The following PCDH15 variants were observed in gnomAD, a reference collection of about 807,000 sequenced individuals.
PCDH15 encodes protocadherin-15.
In PCDH15, 129 loss-of-function variants were observed where a neutral mutation model predicts 178.5. The ratio of observed to expected loss-of-function variants is 0.72; its 90% CI spans 0.63 to 0.84. The LOEUF is 0.84. Ranked by LOEUF, PCDH15 falls within the 40% of genes least tolerant of loss-of-function variation. The pLI, the probability that PCDH15 is intolerant of heterozygous loss-of-function variation, is 0.00. For missense variants in PCDH15, 2,230 were observed against 2,099.9 expected, an observed-to-expected ratio of 1.06 and a Z score of -1.21; for synonymous variants, 800 against 732.0, an observed-to-expected ratio of 1.09 and a Z score of -1.50.
intron 3 of PCDH15, among the ~76,000 whole-genome samples, chr10:54,500,707 G>A (rs1309555114): frequency 6.6e-6 from 1 of 152,024 alleles, no homozygotes; most frequent in African/African-American, 2.4e-5. Context: ...GTGCACGCCT[G>A]TAATTCCAGC....
At chr10:54,930,676 AATT>A (rs1426391391) in intron 2 of PCDH15, among the ~76,000 whole-genome samples, 1 of 152,116 alleles carries the variant, frequency 6.6e-6, no homozygotes, top group Non-Finnish European at 1.5e-5. Flanking sequence ...TAAACCTTGA[AATT>A]ATTATATTAT....
chr10:55,090,429 A>G (rs1463966183), intron 2 of PCDH15, among the ~76,000 whole-genome samples: 2 of 152,062 alleles, frequency 1.3e-5, no homozygotes, highest in Non-Finnish European at 2.9e-5. Flanking sequence ...GAAGAGGGCT[A>G]GGATCACACT....
chr10:54,117,405 C>T (rs533160569), intron 15 of PCDH15, among the ~76,000 whole-genome samples: 1 of 152,166 alleles, frequency 6.6e-6, no homozygotes, highest in South Asian at 2.1e-4. Flanking sequence ...GTGTCACAGC[C>T]CTGGTTTGGG....
intron 1 of PCDH15, among the ~76,000 whole-genome samples, chr10:54,797,919 T>C (rs1031653726): frequency 2.0e-5 from 3 of 152,010 alleles, no homozygotes; most frequent in African/African-American, 7.2e-5. Flanking sequence ...TACACCACAG[T>C]TGAAAATTGT....
At chr10:55,384,960 G>C (rs529194919) in intron 2 of PCDH15, among the ~76,000 whole-genome samples, 4 of 151,944 alleles carry the variant, frequency 2.6e-5, no homozygotes, top group African/African-American at 7.2e-5. Context: ...GGTATATCAC[G>C]AACATGTCAA....
intron 1 of PCDH15, among the ~76,000 whole-genome samples, chr10:54,758,789 T>C (rs1947497040): frequency 6.6e-6 from 1 of 152,220 alleles, no homozygotes; most frequent in South Asian, 2.1e-4. Flanking sequence ...TTAACATGTG[T>C]TATGTGTTTA....
At chr10:54,945,368 G>A (rs867509783) in intron 2 of PCDH15, among the ~76,000 whole-genome samples, 1 of 143,904 alleles carries the variant, frequency 6.9e-6, no homozygotes, top group South Asian at 2.1e-4. Flanking sequence ...TAGATATATA[G>A]ATAGATAGAT....
intron 20 of PCDH15, among the ~76,000 whole-genome samples, chr10:54,018,093 TA>T (rs946669222): frequency 2.0e-5 from 3 of 152,098 alleles, no homozygotes; most frequent in African/African-American, 7.2e-5. Flanking sequence ...TCATTTCAAA[TA>T]AAAGAAAATC....
intron 13 of PCDH15, among the ~76,000 whole-genome samples, chr10:54,168,774 T>G (rs966480568): frequency 5.9e-5 from 9 of 152,080 alleles, no homozygotes; most frequent in Non-Finnish European, 8.8e-5. Flanking sequence ...CGTCTTATTC[T>G]CAAAATACAT....
intron 1 of PCDH15, among the ~76,000 whole-genome samples, chr10:54,732,239 C>T (rs556806966): frequency 5.3e-5 from 8 of 151,250 alleles, no homozygotes; most frequent in Non-Finnish European, 7.4e-5. Flanking sequence ...GCTAAATGAT[C>T]GGGGGCATAT....
chr10:55,360,358 G>C (rs1330072650), intron 2 of PCDH15, among the ~76,000 whole-genome samples: 1 of 151,470 alleles, frequency 6.6e-6, no homozygotes, highest in East Asian at 1.9e-4. Flanking sequence ...GATAATCAAG[G>C]GTTTATTAGA....
At chr10:54,703,042 C>T (rs1378937885) in intron 1 of PCDH15, among the ~76,000 whole-genome samples, 2 of 152,180 alleles carry the variant, frequency 1.3e-5, no homozygotes, top group East Asian at 3.9e-4. Flanking sequence ...ATCAAGTAGG[C>T]TTTATCCCTG....
chr10:54,587,537 A>G (rs1199427651), intron 2 of PCDH15, among the ~76,000 whole-genome samples: 1 of 151,944 alleles, frequency 6.6e-6, no homozygotes, highest in Non-Finnish European at 1.5e-5. Flanking sequence ...ACACAATAAA[A>G]AAAAAAAAGA....
At chr10:54,708,209 G>A (rs1007886273) in intron 1 of PCDH15, among the ~76,000 whole-genome samples, 5 of 152,142 alleles carry the variant, frequency 3.3e-5, no homozygotes, top group African/African-American at 1.2e-4. Context: ...TCACAATAGA[G>A]CCAGAGACTT....
intron 1 of PCDH15, among the ~76,000 whole-genome samples, chr10:55,253,475 T>C (rs1305642408): frequency 6.6e-6 from 1 of 152,206 alleles, no homozygotes; most frequent in African/African-American, 2.4e-5. Flanking sequence ...TGTATTGAAT[T>C]ACTAATTGTT....
At chr10:53,994,158 G>T (rs189861578) in intron 21 of PCDH15, among the ~76,000 whole-genome samples, 1 of 152,224 alleles carries the variant, frequency 6.6e-6, no homozygotes, top group South Asian at 2.1e-4. Context: ...TGGTGGATGC[G>T]CTCTGAATGC....
rs1228784141 is a variant in PCDH15 at position 54,240,626 on chromosome 10, C to CTTTTTTT, written c.877-3702_877-3696dup. Among the ~76,000 whole-genome samples, 445 of 79,656 alleles carry CTTTTTTT rather than the reference C, an allele frequency of 5.6e-3. 5 individuals are homozygous for CTTTTTTT. The highest frequency in any genetic ancestry group is 7.2e-3 in the African/African-American group (151 of 20,838). The allele number at this position is 79,656 out of a possible 152,430, so 52.3% of individuals were successfully genotyped here. A position where few individuals can be genotyped will look rare whatever the true frequency, so the allele number is the denominator to read the frequency against. On this transcript the variant is annotated intron_variant, in intron 8 of 37. Coordinates refer to ENST00000644397, the MANE Select transcript of PCDH15 (RefSeq NM_001384140.1). ...AAATTCTGTTATTTATTTTCTTTTG[C>CTTTTTTT]TTTTTTTTTTTTTTTTTTTTTTTGA... is the stretch of plus-strand genomic sequence containing the variant.
Position 54,282,603 on chromosome 10 carries a change from ATGT to A in PCDH15, c.876+34665_876+34667del, listed in dbSNP as rs1374588972. 1.9e-4 allele frequency among the ~76,000 whole-genome samples: 29 copies of A among 151,878 alleles called. No individual in the cohort carries two copies. The East Asian group carries it at 5.4e-3, about 28-fold the overall frequency. ...CAAATTTAAGATGTCTTTTTTTTTA[ATGT>A]TGTATGTTGATGAGATTTAAACTAA... On this transcript the variant is annotated intron_variant, in intron 8 of 37. Transcript: ENST00000644397.
rs190245693 is a variant in PCDH15 at position 54,928,164 on chromosome 10, A to G, written c.-79-30664T>C. On this transcript the variant is annotated intron_variant, in intron 2 of 5. Coordinates refer to the PCDH15 transcript ENST00000458638. ...AAAGTCTCTCAGCATTTGCTTGTTCAAAAATATCTTATTTCTCCTTCACTT... is the reference window on the plus strand; with the variant it reads ...AAAGTCTCTCAGCATTTGCTTGTTCGAAAATATCTTATTTCTCCTTCACTT... 2.4e-3 allele frequency among the ~76,000 whole-genome samples: 363 copies of G among 152,220 alleles called. 3 individuals are homozygous for G. The highest frequency in any genetic ancestry group is 0.011 in the East Asian group (59 of 5,172).
Sources: gnomAD v4.1 joint callset for allele counts (sites outside exome capture counted in the v4.1 genomes callset) on GRCh38, gnomAD v4.1.1 for gene constraint, MANE v1.5 for transcripts, NCBI Gene and HGNC (gene_info 2026-07-23, HGNC 2026-07-21) for gene names.